Variants in SLC36A4 observed in about 807,000 individuals in gnomAD.
SLC36A4 encodes neutral amino acid uniporter 4.
Under a neutral mutation model 50.5 loss-of-function variants are expected in SLC36A4, and 49 were observed. The observed-to-expected ratio is 0.97, with a 90% CI of 0.77 to 1.23. The LOEUF (loss-of-function observed/expected upper bound fraction) is 1.23, where lower values mean the gene tolerates loss of function less well. Ranked by LOEUF, SLC36A4 falls within the 50% of genes most tolerant of loss-of-function variation. SLC36A4 has a pLI of 0.00. For synonymous variants in SLC36A4, 207 were observed against 206.5 expected, an observed-to-expected ratio of 1.00 and a Z score of -0.02; for missense variants, 611 against 608.4, an observed-to-expected ratio of 1.00 and a Z score of -0.05.
chr11:93,175,035 C>A (rs1861389148), intron 6 of SLC36A4, among the ~76,000 whole-genome samples: 1 of 151,734 alleles, frequency 6.6e-6, no homozygotes, highest in African/African-American at 2.4e-5. Context: ...CCAGTTCCTC[C>A]TTGTACCTCT....
Position 93,173,963 on chromosome 11 carries a change from G to GT in SLC36A4, c.541-5793dup, listed in dbSNP as rs1399817146. ...TTGGTTCCATATGAACTTTAAAGTA[G>GT]TTTTTTCCAATTCTGTGAAGAAAGT... On this transcript the variant is annotated intron_variant, in intron 6 of 10. Coordinates refer to ENST00000326402, the MANE Select transcript of SLC36A4 (RefSeq NM_152313.4). 1.2e-4 allele frequency among the ~76,000 whole-genome samples: 17 copies of GT among 146,100 alleles called. No homozygotes were observed. The East Asian group carries it at 2.7e-3, about 23-fold the overall frequency.
intron 10 of SLC36A4, 46 bp downstream of exon 10, chr11:93,154,062 T>C: frequency 1.1e-6 from 1 of 904,660 alleles, no homozygotes; most frequent in Non-Finnish European, 1.6e-6. Context: ...TTCAAGAAAT[T>C]GAACAATAAA....
At chr11:93,197,583 A>G (rs1475886224) in intron 1 of SLC36A4, 195 bp downstream of exon 1, 14 of 605,352 alleles carry the variant, frequency 2.3e-5, no homozygotes, top group Non-Finnish European at 3.7e-5. Context: ...CGCCCTATTC[A>G]GGCCTGGGCT....
intron 1 of SLC36A4, among the ~76,000 whole-genome samples, chr11:93,195,300 C>A (rs1184925660): frequency 1.3e-5 from 2 of 151,938 alleles, no homozygotes; most frequent in Non-Finnish European, 2.9e-5. Context: ...ACCATAATAT[C>A]CCAGTTAATA....
At chr11:93,160,921 T>C (rs1382093154) in intron 9 of SLC36A4, 11 of 259,468 alleles carry the variant, frequency 4.2e-5, no homozygotes, top group Non-Finnish European at 6.0e-5. Flanking sequence ...GCTCACTGTA[T>C]AATCAACCTC....
Position 93,182,894 on chromosome 11 carries a change from G to C in SLC36A4, c.271C>G (p.Leu91Val). ...PLAIKNAGIV[L>V]GPISLVFIGI... ...ATAAACACAAGGCTGATTGGTCCAA[G>C]CTGTGGGGAAAAAAAATTTATAAGG... The change falls in exon 4 of 11, where the codon CTT (leucine) becomes GTT (valine). Residue 91 changes from leucine (L) to valine (V), a missense_variant and splice_region_variant. Coordinates refer to ENST00000326402, the MANE Select transcript of SLC36A4 (RefSeq NM_152313.4). 1 of 1,603,454 alleles carries C rather than the reference G, an allele frequency of 6.2e-7. No homozygotes were observed. The highest frequency in any genetic ancestry group is 8.5e-7 in the Non-Finnish European group (1 of 1,175,772).
Position 93,148,561 on chromosome 11 carries a change from T to A in SLC36A4, c.1491A>T (p.Thr497=), listed in dbSNP as rs1158938838. The A allele has an allele frequency of 7.4e-6, 12 of 1,610,974 alleles. No individual in the cohort carries two copies. The highest frequency in any genetic ancestry group is 1.0e-5 in the Non-Finnish European group (12 of 1,178,884). Residue 497 remains threonine, a synonymous_variant, in exon 11 of 11, where the codon ACA becomes ACT. Transcript: ENST00000326402. The part of the protein sequence containing the change: ...PQSPFLNLNS[T]CLTSGLK Reference sequence around the variant, plus strand: ...ACTATTTCAAACCAGATGTTAAGCATGTTGAATTCAAATTTAGAAAAGGAC... The same window carrying A: ...ACTATTTCAAACCAGATGTTAAGCAAGTTGAATTCAAATTTAGAAAAGGAC...
Position 93,168,135 on chromosome 11 carries a change from A to G in SLC36A4, c.577T>C (p.Ser193Pro). ...EGFLESKVFI[S>P]NSTNSSNPCE... ...GGGTTTGATGAATTGGTACTATTTG[A>G]AATAAACACTTTACTCTCCAGGAAT... The change falls in exon 7 of 11, where the codon TCA (serine) becomes CCA (proline). Residue 193 changes from serine (S) to proline (P), a missense_variant. Physicochemically the swap from Ser to Pro is moderately conservative, Grantham distance 74. Transcript: ENST00000326402. The G allele has an allele frequency of 6.2e-7, 1 of 1,611,900 alleles. No homozygotes were observed. The highest frequency in any genetic ancestry group is 8.5e-7 in the Non-Finnish European group (1 of 1,178,782).
rs921827816 is a variant in SLC36A4, at chr11:93,174,942, C to T, written c.540+5855G>A. On this transcript the variant is annotated intron_variant, in intron 6 of 10. Coordinates refer to ENST00000326402, the MANE Select transcript of SLC36A4 (RefSeq NM_152313.4). ...TTGTGTCTCTGCCCGGCTTTGGTATCGGAATGATGCTGGCCTCATAAAATG... is the reference window on the plus strand; with the variant it reads ...TTGTGTCTCTGCCCGGCTTTGGTATTGGAATGATGCTGGCCTCATAAAATG... 6.7e-5 allele frequency among the ~76,000 whole-genome samples: 10 copies of T among 150,290 alleles called. 1 individual carries two copies. In the South Asian group the frequency reaches 1.1e-3, roughly 16 times the overall value.
chr11:93,169,062 C>T (rs1407667063), intron 6 of SLC36A4, among the ~76,000 whole-genome samples: 1 of 152,002 alleles, frequency 6.6e-6, no homozygotes, highest in Non-Finnish European at 1.5e-5. Context: ...AAACAGTGTA[C>T]CCTCCTTCAA....
intron 9 of SLC36A4, among the ~76,000 whole-genome samples, chr11:93,157,615 T>C (rs1860426370): frequency 6.6e-6 from 1 of 152,032 alleles, no homozygotes; most frequent in Non-Finnish European, 1.5e-5. Context: ...AATTGTGAAT[T>C]GTGGCAACAC....
rs541108218 is a variant in SLC36A4, at chr11:93,188,452, T to C, written c.56-2638A>G. ...AATTCACAGAATTATCAGTTCCAAA[T>C]TCCTGAAGTCAAAACTGATGAGGAT... On this transcript the variant is annotated intron_variant, in intron 1 of 10. Transcript: ENST00000326402. Among the ~76,000 whole-genome samples, 3 of 152,346 alleles carry C rather than the reference T, an allele frequency of 2.0e-5. No homozygotes were observed. In the East Asian group the frequency reaches 5.8e-4, roughly 29 times the overall value.
intron 6 of SLC36A4, chr11:93,180,321 A>T: frequency 1.0e-6 from 1 of 985,350 alleles, no homozygotes; most frequent in Non-Finnish European, 1.2e-6. Flanking sequence ...AATATGAGAA[A>T]GTTTCTCAAA....
rs1231835768 is a variant in SLC36A4, at chr11:93,146,856, T to C, written c.*1681A>G. ...TTATCTTGGTTAATAACTTGAAAAATATGGAATAATTAGAAGTTATTTGTC... is the reference window on the plus strand; with the variant it reads ...TTATCTTGGTTAATAACTTGAAAAACATGGAATAATTAGAAGTTATTTGTC... On this transcript the variant is annotated 3_prime_UTR_variant, in exon 11 of 11. Transcript: ENST00000326402. 6.6e-6 allele frequency: 1 copy of C among 152,078 alleles called. No homozygotes were observed. Among genetic ancestry groups the C allele is most frequent in the Non-Finnish European group, 1.5e-5 (1 of 67,998 alleles). 9.4% of individuals were successfully genotyped at this position (152,078 alleles called of 1,614,324 possible).
At position 93,160,298 on chromosome 11, in the gene SLC36A4, T is replaced by C. The variant is rs1431151576; in HGVS notation, c.1037+2408A>G. On this transcript the variant is annotated intron_variant, in intron 9 of 10. Coordinates refer to ENST00000326402, the MANE Select transcript of SLC36A4 (RefSeq NM_152313.4). The stretch of plus-strand genomic sequence containing the variant: ...AATGCAAATTCTCTAAAGGGAAATA[T>C]GTGTCTTGACTGGCTTTCCTGTTTT... 6.1e-6 allele frequency: 6 copies of C among 985,322 alleles called. No homozygotes were observed. In the African/African-American group the frequency reaches 8.7e-5, roughly 14 times the overall value. The allele number at this position is 985,322 out of a possible 1,614,324, so 61.0% of individuals were successfully genotyped here.
At chr11:93,180,745 T>C in intron 6 of SLC36A4, 52 bp downstream of exon 6, 1 of 1,269,718 alleles carries the variant, frequency 7.9e-7, no homozygotes, top group Non-Finnish European at 1.1e-6. Context: ...TATGAAGCCA[T>C]AACTAGGGCT....
At position 93,146,435 on chromosome 11, in the gene SLC36A4, T is replaced by C. The variant is rs764944848; in HGVS notation, c.*2102A>G. The C allele has an allele frequency of 6.6e-5, 10 of 152,024 alleles. No homozygotes were observed. The highest frequency in any genetic ancestry group is 1.2e-4 in the Non-Finnish European group (8 of 67,950). The allele number at this position is 152,024 out of a possible 1,614,324, so 9.4% of individuals were successfully genotyped here. A position where few individuals can be genotyped will look rare whatever the true frequency, so the allele number is the denominator to read the frequency against. On this transcript the variant is annotated 3_prime_UTR_variant, in exon 11 of 11. Transcript: ENST00000326402. ...TCGTTTTCCTATAACTTCTTCTGCA[T>C]TCTCTTAGTATGACTAAAGGCTCAG...
chr11:93,182,966 A>G, intron 3 of SLC36A4, 72 bp from the exon 4 acceptor site: 3 of 1,074,200 alleles, frequency 2.8e-6, no homozygotes, highest in Non-Finnish European at 4.2e-6. Flanking sequence ...CAATGAATCA[A>G]TGGATTATTC....
intron 7 of SLC36A4, chr11:93,166,289 C>A: frequency 1.7e-6 from 2 of 1,151,814 alleles, no homozygotes; most frequent in African/African-American, 3.2e-5. Context: ...AAGTCCCAGG[C>A]TGTGAACACT....
Sources: allele counts gnomAD v4.1 joint callset (sites outside exome capture counted in the v4.1 genomes callset), GRCh38; gene constraint gnomAD v4.1.1; transcripts MANE v1.5; gene names NCBI Gene and HGNC (gene_info 2026-07-23, HGNC 2026-07-21).